Variants in DLC1 observed in about 807,000 individuals in gnomAD.
The protein encoded by DLC1 is DLC1 Rho GTPase activating protein, also known as rho GTPase-activating protein 7.
Under a neutral mutation model 140.3 loss-of-function variants are expected in DLC1, and 54 were observed. The observed-to-expected ratio is 0.38, with a 90% CI of 0.31 to 0.48. The LOEUF is 0.48. DLC1 is among the 20% of genes least tolerant of loss of function. DLC1 has a pLI of 0.96. For missense variants in DLC1, 2,536 were observed against 1,907.0 expected (o/e 1.33, Z -6.14); for synonymous variants, 986 against 728.1 (o/e 1.35, Z -5.70).
At chr8:13,435,720 A>G (rs907644437) in intron 2 of DLC1, among the ~76,000 whole-genome samples, 1 of 152,252 alleles carries the variant, frequency 6.6e-6, no homozygotes, top group African/African-American at 2.4e-5. Flanking sequence ...AGAACTTTGA[A>G]TATTACAAAA....
chr8:13,099,290 G>A lies in DLC1; in HGVS notation c.2990+57C>T, dbSNP rs564204211. The A allele has an allele frequency of 5.3e-5, 83 of 1,557,544 alleles. No individual in the cohort carries two copies. The South Asian group carries it at 8.3e-4, about 16-fold the overall frequency. On this transcript the variant is annotated intron_variant, in intron 9 of 17. Coordinates refer to ENST00000276297, the MANE Select transcript of DLC1 (RefSeq NM_182643.3). ...ATTTCTTCCCACAGAACAAGCACAG[G>A]CAATGTCTTTCTGACCCCCAGTGCC...
chr8:13,457,512 A>G (rs1287134253), intron 2 of DLC1, among the ~76,000 whole-genome samples: 8 of 151,916 alleles, frequency 5.3e-5, no homozygotes, highest in Non-Finnish European at 1.2e-4. Flanking sequence ...CCCTGTCTCT[A>G]CCAAAACTAC....
rs576509878 is a variant in DLC1 at position 13,297,189 on chromosome 8, A to C, written c.1348+8080T>G. Among the ~76,000 whole-genome samples the C allele has an allele frequency of 9.1e-4, 136 of 149,234 alleles. 1 individual carries two copies. The highest frequency in any genetic ancestry group is 6.9e-3 in the Middle Eastern group (2 of 290). Reference sequence around the variant, plus strand: ...CAGCCAACTTTTCACGGATTAGTTTACATTAAGTTTTAGAAACACTGAGAA... The same window carrying C: ...CAGCCAACTTTTCACGGATTAGTTTCCATTAAGTTTTAGAAACACTGAGAA... On this transcript the variant is annotated intron_variant, in intron 5 of 17. Transcript: ENST00000276297.
intron 3 of DLC1, among the ~76,000 whole-genome samples, chr8:13,399,040 A>C (rs1467193908): frequency 6.6e-6 from 1 of 152,196 alleles, no homozygotes; most frequent in Non-Finnish European, 1.5e-5. Context: ...AAGATACTGC[A>C]GAACAGCAGG....
chr8:13,473,192 A>G (rs1401691121), intron 2 of DLC1, among the ~76,000 whole-genome samples: 1 of 152,168 alleles, frequency 6.6e-6, no homozygotes, highest in African/African-American at 2.4e-5. Context: ...GGTTTTCAGT[A>G]GAGAATTCTT....
chr8:13,541,410 C>A (rs964690942), intron 1 of DLC1, among the ~76,000 whole-genome samples: 2 of 152,114 alleles, frequency 1.3e-5, no homozygotes, highest in Admixed American at 1.3e-4. Context: ...TTTTTCATAC[C>A]CAGCAACAAC....
At chr8:13,487,058 C>G (rs1801002597) in intron 2 of DLC1, among the ~76,000 whole-genome samples, 1 of 152,152 alleles carries the variant, frequency 6.6e-6, no homozygotes, top group African/African-American at 2.4e-5. Context: ...CTGCGGTTTC[C>G]TTTTGGAAGT....
chr8:13,253,431 A>ATG (rs3065442), intron 5 of DLC1, among the ~76,000 whole-genome samples: 8,144 of 149,788 alleles, frequency 0.054, 256 homozygotes, highest in South Asian at 0.07. Context: ...AATACATATT[A>ATG]TGTGTGTGTG....
chr8:13,150,790 T>C (rs1823747806), intron 5 of DLC1, among the ~76,000 whole-genome samples: 1 of 152,242 alleles, frequency 6.6e-6, no homozygotes. Flanking sequence ...GGGTCTGATT[T>C]CTCAAGATGC....
At chr8:13,331,280 C>A (rs533484475) in intron 4 of DLC1, among the ~76,000 whole-genome samples, 1 of 152,118 alleles carries the variant, frequency 6.6e-6, no homozygotes, top group Non-Finnish European at 1.5e-5. Context: ...TAGGAGTAAA[C>A]CTGGTATTCG....
intron 1 of DLC1, among the ~76,000 whole-genome samples, chr8:13,524,108 TTTATTATTATTATTATTATTATTATTA>T (rs77161996): frequency 7.2e-6 from 1 of 138,718 alleles, no homozygotes; most frequent in South Asian, 2.4e-4. Context: ...ATCTATTCTA[TTTATTATTATTATTATTATTATTATTA>T]TTATTATTAT....
intron 2 of DLC1, among the ~76,000 whole-genome samples, chr8:13,411,236 C>T (rs1231482082): frequency 2.0e-5 from 3 of 152,168 alleles, no homozygotes; most frequent in Non-Finnish European, 2.9e-5. Flanking sequence ...GCACTAAAAA[C>T]AAATGAGCTA....
intron 5 of DLC1, chr8:13,133,465 C>T (rs1366556489): frequency 3.4e-6 from 1 of 291,742 alleles, no homozygotes; most frequent in Non-Finnish European, 4.9e-6. Context: ...TTCCTCGTGG[C>T]CGCAGCCTCA....
chr8:13,575,890 A>T (rs1445662228), intron 1 of DLC1, among the ~76,000 whole-genome samples: 1 of 152,236 alleles, frequency 6.6e-6, no homozygotes, highest in Non-Finnish European at 1.5e-5. Context: ...GCACTGAGAC[A>T]TGTGTAACCT....
chr8:13,186,865 G>T (rs1295072779), intron 5 of DLC1, among the ~76,000 whole-genome samples: 1 of 152,194 alleles, frequency 6.6e-6, no homozygotes, highest in Non-Finnish European at 1.5e-5. Context: ...TGATGTTGAT[G>T]CTATTCCTTT....
At chr8:13,323,779 C>G (rs944753826) in intron 4 of DLC1, among the ~76,000 whole-genome samples, 2 of 152,154 alleles carry the variant, frequency 1.3e-5, no homozygotes, top group African/African-American at 4.8e-5. Context: ...ATTTAATCCT[C>G]ACAGCAGTCC....
intron 5 of DLC1, among the ~76,000 whole-genome samples, chr8:13,148,928 G>A (rs1409996736): frequency 6.6e-6 from 1 of 152,078 alleles, no homozygotes; most frequent in Non-Finnish European, 1.5e-5. Context: ...GAGTAGCTGG[G>A]ACTACAGCTG....
intron 5 of DLC1, among the ~76,000 whole-genome samples, chr8:13,231,495 T>C (rs904613181): frequency 6.6e-6 from 1 of 152,252 alleles, no homozygotes; most frequent in Non-Finnish European, 1.5e-5. Context: ...GAATCAGTTA[T>C]TACTTCCTAA....
At chr8:13,132,829 A>C in intron 5 of DLC1, 2 of 1,305,138 alleles carry the variant, frequency 1.5e-6, no homozygotes, top group South Asian at 2.5e-5. Context: ...AAAGCGTTTA[A>C]AGAGCACAGA....
Sources: gnomAD v4.1 joint callset for allele counts (sites outside exome capture counted in the v4.1 genomes callset) on GRCh38, gnomAD v4.1.1 for gene constraint, MANE v1.5 for transcripts, NCBI Gene and HGNC (gene_info 2026-07-23, HGNC 2026-07-21) for gene names.